The following PACSIN1 variants were observed in gnomAD, a reference collection of about 807,000 sequenced individuals.
The protein encoded by PACSIN1 is protein kinase C and casein kinase substrate in neurons protein 1.
PACSIN1 carries 15 observed loss-of-function variants against 59.5 expected under a neutral mutation model. The ratio of observed to expected loss-of-function variants is 0.25; its 90% CI spans 0.17 to 0.39. PACSIN1 has a LOEUF of 0.39. PACSIN1 is among the 10% of genes least tolerant of loss of function. The probability of loss-of-function intolerance (pLI) is 1.00; values close to 1 mark genes in which losing one functional copy is unlikely to be tolerated. For synonymous variants in PACSIN1, 210 were observed against 220.6 expected (o/e 0.95, Z 0.42); for missense variants, 420 against 580.2 (o/e 0.72, Z 2.84).
chr6:34,524,432 C>T (rs189806982), intron 1 of PACSIN1, among the ~76,000 whole-genome samples: 3 of 152,310 alleles, frequency 2.0e-5, no homozygotes, highest in Admixed American at 2.0e-4. Context: ...CGTCCCCTGG[C>T]CACCCCATTC....
At chr6:34,498,364 T>G (rs1766977735) in intron 1 of PACSIN1, among the ~76,000 whole-genome samples, 1 of 152,166 alleles carries the variant, frequency 6.6e-6, no homozygotes, top group Non-Finnish European at 1.5e-5. Context: ...CCGGCCCTTT[T>G]GCCTGTTTTT....
rs1474020370 is a variant in PACSIN1 at position 34,533,117 on chromosome 6, C to T, written c.*587C>T. 1 of 152,396 alleles carries T rather than the reference C, an allele frequency of 6.6e-6. No individual in the cohort carries two copies. The highest frequency in any genetic ancestry group is 1.5e-5 in the Non-Finnish European group (1 of 68,206). The allele number at this position is 152,396 out of a possible 1,614,324, so 9.4% of individuals were successfully genotyped here. A position where few individuals can be genotyped will look rare whatever the true frequency, so the allele number is the denominator to read the frequency against. ...GAGGAGGAACGGTCACCCTCCTCCC[C>T]CATGGAGGTTTCCAGGGGTCCCCCA... On this transcript the variant is annotated 3_prime_UTR_variant, in exon 10 of 10. Coordinates refer to ENST00000244458, the MANE Select transcript of PACSIN1 (RefSeq NM_020804.5).
At chr6:34,527,216 A>C in intron 2 of PACSIN1, 116 bp from the exon 3 acceptor site, 1 of 981,396 alleles carries the variant, frequency 1.0e-6, no homozygotes, top group Non-Finnish European at 1.3e-6. Context: ...GGGGACGGCG[A>C]GGCCGTAAGC....
At chr6:34,469,898 C>A (rs958287988) in intron 1 of PACSIN1, among the ~76,000 whole-genome samples, 1 of 152,166 alleles carries the variant, frequency 6.6e-6, no homozygotes, top group African/African-American at 2.4e-5. Context: ...TTGCTGGTGC[C>A]GTTTCCAGAA....
chr6:34,472,006 C>T (rs538927959), intron 1 of PACSIN1, among the ~76,000 whole-genome samples: 2 of 152,234 alleles, frequency 1.3e-5, no homozygotes, highest in East Asian at 3.9e-4. Context: ...ATGGTCATCA[C>T]GTACTGATAA....
chr6:34,493,562 G>A (rs77920153), intron 1 of PACSIN1, among the ~76,000 whole-genome samples: 2 of 152,222 alleles, frequency 1.3e-5, no homozygotes, highest in African/African-American at 4.8e-5. Context: ...CTGCATCCTC[G>A]CCAACACTTG....
intron 1 of PACSIN1, among the ~76,000 whole-genome samples, chr6:34,479,507 G>A (rs1221916767): frequency 6.6e-6 from 1 of 152,084 alleles, no homozygotes; most frequent in African/African-American, 2.4e-5. Flanking sequence ...CACGATCTTG[G>A]CCCATTTAGG....
At position 34,516,027 on chromosome 6, in the gene PACSIN1, C is replaced by T. The variant is rs368537612; in HGVS notation, c.-63-10216C>T. On this transcript the variant is annotated intron_variant, in intron 1 of 9. Transcript: ENST00000244458. The surrounding 1 kb of genome is among the most constrained non-coding windows in gnomAD (Gnocchi z 5.4). ...AGTTTTGCCCTGAATGGAGCTGAGC[C>T]ACCTTGGGTGGCATAGGGAGGAGAT... is the stretch of plus-strand genomic sequence containing the variant. 3.9e-4 allele frequency among the ~76,000 whole-genome samples: 60 copies of T among 152,276 alleles called. No homozygotes were observed. The South Asian group carries it at 0.01, about 26-fold the overall frequency.
chr6:34,487,225 A>G (rs1766808230), intron 1 of PACSIN1, among the ~76,000 whole-genome samples: 3 of 152,176 alleles, frequency 2.0e-5, no homozygotes, highest in Admixed American at 2.0e-4. Flanking sequence ...GTCAGTGAAC[A>G]TGAGCCACTA....
At chr6:34,522,145 T>C (rs1236658532) in intron 1 of PACSIN1, among the ~76,000 whole-genome samples, 1 of 152,194 alleles carries the variant, frequency 6.6e-6, no homozygotes, top group African/African-American at 2.4e-5. Flanking sequence ...CAGTAAGCCT[T>C]GCTTCCGCTC....
intron 1 of PACSIN1, among the ~76,000 whole-genome samples, chr6:34,504,955 T>A (rs1265635022): frequency 2.6e-5 from 4 of 151,940 alleles, no homozygotes; most frequent in Non-Finnish European, 4.4e-5. Flanking sequence ...ATTTTAAAAA[T>A]CTGCTGTAAT....
chr6:34,489,118 T>G (rs1269350415), intron 1 of PACSIN1, among the ~76,000 whole-genome samples: 1 of 151,210 alleles, frequency 6.6e-6, no homozygotes, highest in African/African-American at 2.4e-5. Context: ...GAGGTGGAGG[T>G]TGTAGTGAGC....
Position 34,528,759 on chromosome 6 carries a change from T to G in PACSIN1, c.338T>G (p.Val113Gly), listed in dbSNP as rs1581987291. ...NNLLNEDLEK[V>G]KNWQKDAYHK... ...CTGCTGAATGAGGACCTGGAGAAGG[T>G]GAAGAACTGGCAGAAGGACGCCTAT... is the stretch of plus-strand genomic sequence containing the variant. The change falls in exon 4 of 10, where the codon GTG becomes GGG. Residue 113 changes from valine to glycine, a missense_variant. Val to Gly is a moderately radical substitution (Grantham distance 109). Coordinates refer to ENST00000244458, the MANE Select transcript of PACSIN1 (RefSeq NM_020804.5). 1 of 1,613,558 alleles carries G rather than the reference T, an allele frequency of 6.2e-7. No homozygotes were observed. The highest frequency in any genetic ancestry group is 8.5e-7 in the Non-Finnish European group (1 of 1,179,888).
At chr6:34,482,190 G>A (rs1766729067) in intron 1 of PACSIN1, among the ~76,000 whole-genome samples, 1 of 152,104 alleles carries the variant, frequency 6.6e-6, no homozygotes, top group African/African-American at 2.4e-5. Flanking sequence ...GGATTCAAGC[G>A]ATTCTCCTGC....
At chr6:34,512,931 G>T (rs560278933) in intron 1 of PACSIN1, among the ~76,000 whole-genome samples, 1 of 152,328 alleles carries the variant, frequency 6.6e-6, no homozygotes, top group South Asian at 2.1e-4. Flanking sequence ...ATCTCTCAGA[G>T]CCTATTTCCT....
chr6:34,523,170 T>C (rs1767426568), intron 1 of PACSIN1, among the ~76,000 whole-genome samples: 1 of 152,210 alleles, frequency 6.6e-6, no homozygotes, highest in African/African-American at 2.4e-5. Context: ...AGTGTAACAG[T>C]AGTTCCCACA....
chr6:34,485,807 G>A (rs556601757), intron 1 of PACSIN1, among the ~76,000 whole-genome samples: 3 of 152,326 alleles, frequency 2.0e-5, no homozygotes, highest in South Asian at 4.1e-4. Context: ...GGAGCCCAGA[G>A]GCGGACAGCA....
At chr6:34,520,574 A>G (rs1186580601) in intron 1 of PACSIN1, among the ~76,000 whole-genome samples, 1 of 152,216 alleles carries the variant, frequency 6.6e-6, no homozygotes, top group Non-Finnish European at 1.5e-5. Context: ...TCTCTAGAAC[A>G]GGGAAGGCAA....
chr6:34,472,131 G>A (rs1353221136), intron 1 of PACSIN1, among the ~76,000 whole-genome samples: 1 of 152,004 alleles, frequency 6.6e-6, no homozygotes, highest in African/African-American at 2.4e-5. Context: ...AATTACCTGG[G>A]TGTGGTGAAG....
Sources: allele counts gnomAD v4.1 joint callset (sites outside exome capture counted in the v4.1 genomes callset), GRCh38; gene constraint gnomAD v4.1.1; non-coding constraint Gnocchi (gnomAD v3.1); transcripts MANE v1.5; gene names NCBI Gene and HGNC (gene_info 2026-07-23, HGNC 2026-07-21).